The following ANOS1 variants were observed in gnomAD, a reference collection of about 807,000 sequenced individuals.
ANOS1 encodes the protein anosmin-1.
A neutral mutation model predicts 59.0 loss-of-function variants in ANOS1; 6 were observed. The ratio of observed to expected loss-of-function variants is 0.10; its 90% CI spans 0.06 to 0.20. The LOEUF (loss-of-function observed/expected upper bound fraction) is 0.20, where lower values mean the gene tolerates loss of function less well. Ranked by LOEUF, ANOS1 falls within the 10% of genes least tolerant of loss-of-function variation. The pLI is 1.00. For missense variants in ANOS1, 433 were observed against 542.3 expected (o/e 0.80, Z 2.00); for synonymous variants, 217 against 223.4 (o/e 0.97, Z 0.25).
intron 2 of ANOS1, among the ~76,000 whole-genome samples, chrX:8,696,252 G>A (rs1426912677): frequency 8.9e-6 from 1 of 112,132 alleles, no homozygotes; most frequent in Non-Finnish European, 1.9e-5. Flanking sequence ...GAGAACAAAT[G>A]AGTGCATTTT....
At chrX:8,701,777 A>G (rs957706560) in intron 1 of ANOS1, among the ~76,000 whole-genome samples, 2 of 111,761 alleles carry the variant, frequency 1.8e-5, no homozygotes, top group African/African-American at 6.5e-5. Flanking sequence ...TGCCAATAAC[A>G]TATCTGAATA....
chrX:8,663,063 G>A (rs59121675), intron 2 of ANOS1, among the ~76,000 whole-genome samples: 1 of 111,233 alleles, frequency 9.0e-6, no homozygotes, highest in Non-Finnish European at 1.9e-5. Context: ...AAGATGTGGA[G>A]ACATAGGAAG....
At chrX:8,550,723 G>A (rs1480310023) in intron 9 of ANOS1, among the ~76,000 whole-genome samples, 1 of 109,620 alleles carries the variant, frequency 9.1e-6, no homozygotes, top group African/African-American at 3.3e-5. Flanking sequence ...AGAGCTTTGG[G>A]GAAAATAGTC....
At chrX:8,665,084 G>A (rs770943059) in intron 2 of ANOS1, among the ~76,000 whole-genome samples, 1 of 111,749 alleles carries the variant, frequency 8.9e-6, no homozygotes, top group African/African-American at 3.3e-5. Context: ...GAAGCATCCC[G>A]TCATGCTGCA....
chrX:8,535,916 A>G, intron 11 of ANOS1, 105 bp from the exon 12 acceptor site: 1 of 612,374 alleles, frequency 1.6e-6, no homozygotes, highest in Admixed American at 2.5e-5. Flanking sequence ...GATGATATTA[A>G]TAGAAGCAAT....
At chrX:8,640,983 C>T (rs962430489) in intron 2 of ANOS1, among the ~76,000 whole-genome samples, 2 of 111,855 alleles carry the variant, frequency 1.8e-5, no homozygotes, top group Non-Finnish European at 3.8e-5. Context: ...AATTATACTT[C>T]GTTCCCTGTG....
chrX:8,651,783 C>T (rs918016063), intron 2 of ANOS1, among the ~76,000 whole-genome samples: 1 of 112,050 alleles, frequency 8.9e-6, no homozygotes, highest in Non-Finnish European at 1.9e-5. Context: ...ATTTACTTTC[C>T]TAAAGTTTCA....
rs964362093 is a variant in ANOS1, at chrX:8,676,336, T to C, written c.255+23362A>G. Among the ~76,000 whole-genome samples the C allele has an allele frequency of 2.7e-5, 3 of 112,351 alleles. No individual in the cohort carries two copies. The Admixed American group carries it at 2.8e-4, about 11-fold the overall frequency. ...TACTTAAGCACATCCCTGAGTTTTCTTTTTAAAGTGGAAGCTAAAGGAAAA... is the reference window on the plus strand; with the variant it reads ...TACTTAAGCACATCCCTGAGTTTTCCTTTTAAAGTGGAAGCTAAAGGAAAA... On this transcript the variant is annotated intron_variant, in intron 2 of 13. Coordinates refer to ENST00000262648, the MANE Select transcript of ANOS1 (RefSeq NM_000216.4).
chrX:8,643,116 C>T (rs1442124796), intron 2 of ANOS1, among the ~76,000 whole-genome samples: 1 of 110,826 alleles, frequency 9.0e-6, no homozygotes, highest in Non-Finnish European at 1.9e-5. Flanking sequence ...GTGTTGATGA[C>T]CTAGAGGAAA....
intron 2 of ANOS1, among the ~76,000 whole-genome samples, chrX:8,695,576 C>A: frequency 9.1e-6 from 1 of 110,495 alleles, no homozygotes; most frequent in East Asian, 2.9e-4. Context: ...TAGGCTGTAT[C>A]TTTCTGACTT....
chrX:8,731,769 C>T, intron 1 of ANOS1, 61 bp downstream of exon 1: 1 of 1,149,095 alleles, frequency 8.7e-7, no homozygotes, highest in Non-Finnish European at 1.2e-6. Flanking sequence ...GGCGCGCGCC[C>T]CGGTGCGCCC....
At chrX:8,725,587 T>C (rs2404563) in intron 1 of ANOS1, among the ~76,000 whole-genome samples, 83 of 41,942 alleles carry the variant, frequency 2.0e-3, no homozygotes, top group East Asian at 3.3e-3. Context: ...TACAGATATA[T>C]ATATACAGAT....
intron 8 of ANOS1, among the ~76,000 whole-genome samples, chrX:8,561,183 C>T (rs1243681519): frequency 8.9e-6 from 1 of 112,409 alleles, no homozygotes; most frequent in Non-Finnish European, 1.9e-5. Context: ...GTCTATCCAA[C>T]GGACCAGATG....
intron 4 of ANOS1, among the ~76,000 whole-genome samples, chrX:8,590,459 C>A (rs1007707471): frequency 9.0e-6 from 1 of 111,375 alleles, no homozygotes; most frequent in African/African-American, 3.3e-5. Flanking sequence ...GTGACACTTC[C>A]CCTAAACTTC....
intron 2 of ANOS1, among the ~76,000 whole-genome samples, chrX:8,695,236 CA>C (rs899178906): frequency 1.8e-5 from 2 of 111,956 alleles, no homozygotes; most frequent in African/African-American, 6.5e-5. Context: ...TGCTTGACCC[CA>C]GGAGGCGGAG....
intron 8 of ANOS1, among the ~76,000 whole-genome samples, chrX:8,555,083 A>G (rs772717982): frequency 8.9e-6 from 1 of 111,959 alleles, no homozygotes; most frequent in South Asian, 3.7e-4. Flanking sequence ...AGCCACTCAA[A>G]ACCATACAAC....
intron 2 of ANOS1, among the ~76,000 whole-genome samples, chrX:8,652,090 T>A: frequency 9.0e-6 from 1 of 110,874 alleles, no homozygotes; most frequent in Middle Eastern, 4.6e-3. Flanking sequence ...ACTACAAGCA[T>A]GCACCACCAT....
intron 8 of ANOS1, chrX:8,565,904 A>G (rs1381436724): frequency 9.4e-6 from 5 of 530,479 alleles, no homozygotes; most frequent in African/African-American, 5.2e-5. Context: ...AAGAGTGGTC[A>G]GGGTGGGAGG....
chrX:8,731,094 G>A (rs1381156788), intron 1 of ANOS1, among the ~76,000 whole-genome samples: 1 of 112,271 alleles, frequency 8.9e-6, no homozygotes, highest in Non-Finnish European at 1.9e-5. Context: ...CGGTTCCCCC[G>A]GGACTCGTTG....
Sources: gnomAD v4.1 joint callset for allele counts (sites outside exome capture counted in the v4.1 genomes callset) on GRCh38, gnomAD v4.1.1 for gene constraint, MANE v1.5 for transcripts, NCBI Gene and HGNC (gene_info 2026-07-23, HGNC 2026-07-21) for gene names.